ROR2: variants seen among roughly 807,000 people sequenced by gnomAD.
ROR2 encodes ROR family WNT receptor 2.
A neutral mutation model predicts 74.9 loss-of-function variants in ROR2; 33 were observed. That is an observed-to-expected ratio of 0.44 (90% CI 0.33 to 0.59). The LOEUF (loss-of-function observed/expected upper bound fraction) is 0.59. Among genes scored for constraint, ROR2 ranks in the 20% least tolerant of loss-of-function variants. The pLI is 0.02. For synonymous variants in ROR2, 586 were observed against 558.7 expected, an observed-to-expected ratio of 1.05 and a Z score of -0.69; for missense variants, 1,216 against 1,313.8, an observed-to-expected ratio of 0.93 and a Z score of 1.15.
intron 1 of ROR2, among the ~76,000 whole-genome samples, chr9:91,862,483 C>A (rs182156344): frequency 1.3e-5 from 2 of 152,112 alleles, no homozygotes; most frequent in East Asian, 3.9e-4. Context: ...CACACTGAGG[C>A]CCTGTCTCTA....
At chr9:91,826,570 A>C (rs966812961) in intron 1 of ROR2, among the ~76,000 whole-genome samples, 1 of 152,064 alleles carries the variant, frequency 6.6e-6, no homozygotes, top group Non-Finnish European at 1.5e-5. Flanking sequence ...TCACAAGGTC[A>C]GGAGATCGAG....
chr9:91,742,990 T>C (rs1006465627), intron 4 of ROR2, among the ~76,000 whole-genome samples: 6 of 152,222 alleles, frequency 3.9e-5, no homozygotes, highest in African/African-American at 1.4e-4. Flanking sequence ...TACAAGTCTG[T>C]AGCCTAGGAG....
At chr9:91,856,365 C>A (rs1290905803) in intron 1 of ROR2, among the ~76,000 whole-genome samples, 1 of 152,218 alleles carries the variant, frequency 6.6e-6, no homozygotes, top group African/African-American at 2.4e-5. Flanking sequence ...GCTCAAAATG[C>A]TGTAAGTTAA....
intron 1 of ROR2, among the ~76,000 whole-genome samples, chr9:91,815,759 C>T (rs893903656): frequency 6.6e-6 from 1 of 152,202 alleles, no homozygotes; most frequent in Non-Finnish European, 1.5e-5. Flanking sequence ...ATGCAGGGTA[C>T]GGTCCCAAGG....
chr9:91,946,193 C>T (rs1477607129), intron 1 of ROR2, among the ~76,000 whole-genome samples: 1 of 152,230 alleles, frequency 6.6e-6, no homozygotes, highest in Non-Finnish European at 1.5e-5. Context: ...CCAGACCTAG[C>T]TAGCAATGCT....
chr9:91,841,133 T>C (rs1828770799), intron 1 of ROR2, among the ~76,000 whole-genome samples: 1 of 152,238 alleles, frequency 6.6e-6, no homozygotes, highest in Non-Finnish European at 1.5e-5. Flanking sequence ...AGCTCACGTA[T>C]GCTCCTTTTA....
intron 1 of ROR2, among the ~76,000 whole-genome samples, chr9:91,904,943 C>G (rs1025969573): frequency 6.6e-6 from 1 of 151,628 alleles, no homozygotes; most frequent in African/African-American, 2.4e-5. Flanking sequence ...GCACATACAC[C>G]ACACACAAGA....
intron 1 of ROR2, among the ~76,000 whole-genome samples, chr9:91,829,311 G>A (rs1828387152): frequency 6.6e-6 from 1 of 152,082 alleles, no homozygotes; most frequent in South Asian, 2.1e-4. Flanking sequence ...GGGAGACTGA[G>A]GCAGATGAAT....
At chr9:91,839,251 G>GTGTGTGT (rs1828705225) in intron 1 of ROR2, among the ~76,000 whole-genome samples, 11 of 107,712 alleles carry the variant, frequency 1.0e-4, no homozygotes, top group East Asian at 3.2e-4. Context: ...TCAGATCGGG[G>GTGTGTGT]GTGTGTGTGT....
At chr9:91,946,651 C>T (rs1446434389) in intron 1 of ROR2, among the ~76,000 whole-genome samples, 1 of 152,252 alleles carries the variant, frequency 6.6e-6, no homozygotes, top group East Asian at 1.9e-4. Context: ...AATTAGAACT[C>T]TCCAAGGGAA....
intron 1 of ROR2, among the ~76,000 whole-genome samples, chr9:91,922,148 A>G (rs933019365): frequency 6.6e-6 from 1 of 152,108 alleles, no homozygotes; most frequent in African/African-American, 2.4e-5. Context: ...AAAAACAGAA[A>G]ACAAGTACTG....
chr9:91,767,107 G>A (rs998374083), intron 2 of ROR2, among the ~76,000 whole-genome samples: 2 of 149,608 alleles, frequency 1.3e-5, no homozygotes, highest in African/African-American at 4.9e-5. Flanking sequence ...GCGGAGGCTC[G>A]CTCTGTCGCC....
intron 1 of ROR2, among the ~76,000 whole-genome samples, chr9:91,895,105 A>C (rs557386958): frequency 6.6e-6 from 1 of 152,364 alleles, no homozygotes; most frequent in African/African-American, 2.4e-5. Context: ...ATGAGCTATC[A>C]AACCATGAAA....
intron 1 of ROR2, chr9:91,948,765 A>T (rs1023524433): frequency 1.6e-5 from 16 of 985,430 alleles, no homozygotes; most frequent in Non-Finnish European, 1.9e-5. Context: ...TACTAGTAAG[A>T]AGTGTCTCAC....
chr9:91,871,782 T>C (rs1219727916), intron 1 of ROR2, among the ~76,000 whole-genome samples: 8 of 152,202 alleles, frequency 5.3e-5, no homozygotes, highest in Non-Finnish European at 7.3e-5. Flanking sequence ...CCAGCCACCA[T>C]GCTGTGAGAA....
chr9:91,906,176 G>A (rs1343010189), intron 1 of ROR2, among the ~76,000 whole-genome samples: 1 of 152,128 alleles, frequency 6.6e-6, no homozygotes. Flanking sequence ...GAGGTGGCAG[G>A]GCTGAGGGGG....
chr9:91,916,195 GT>G (rs926647827), intron 1 of ROR2, among the ~76,000 whole-genome samples: 1 of 152,176 alleles, frequency 6.6e-6, no homozygotes, highest in Non-Finnish European at 1.5e-5. Context: ...ACGGAAATTT[GT>G]TTCCCCCGCA....
intron 1 of ROR2, among the ~76,000 whole-genome samples, chr9:91,918,263 CAAA>C (rs533398274): frequency 4.8e-5 from 5 of 104,288 alleles, no homozygotes; most frequent in South Asian, 3.3e-4. Context: ...AGACTCGTCT[CAAA>C]AAAAAAAAAA....
intron 1 of ROR2, among the ~76,000 whole-genome samples, chr9:91,865,099 GT>G (rs369605576): frequency 1.1e-4 from 16 of 149,214 alleles, no homozygotes; most frequent in Non-Finnish European, 2.1e-4. Flanking sequence ...AAGGCTAAAA[GT>G]TTTTTTTTTG....
Sources: allele counts gnomAD v4.1 joint callset (sites outside exome capture counted in the v4.1 genomes callset), GRCh38; gene constraint gnomAD v4.1.1; transcripts MANE v1.5; gene names NCBI Gene and HGNC (gene_info 2026-07-23, HGNC 2026-07-21).